Variants in NXF1 observed in about 807,000 individuals in gnomAD.
NXF1 encodes the protein mRNA export factor TAP.
NXF1 carries 43 observed loss-of-function variants against 92.4 expected under a neutral mutation model. The observed-to-expected ratio is 0.47, with a 90% confidence interval of 0.36 to 0.60. NXF1 has a LOEUF of 0.60. NXF1 is among the 20% of genes least tolerant of loss of function. NXF1 has a pLI of 0.00. For synonymous variants in NXF1, 288 were observed against 292.2 expected, an observed-to-expected ratio of 0.99 and a Z score of 0.15; for missense variants, 576 against 793.0, an observed-to-expected ratio of 0.73 and a Z score of 3.29.
At chr11:62,797,044 G>A (rs1334293419) in intron 13 of NXF1, 139 bp downstream of exon 13, 1 of 743,748 alleles carries the variant, frequency 1.3e-6, no homozygotes, top group Admixed American at 2.6e-5. Context: ...CTCCAGCCTG[G>A]GTGACACAGT....
intron 10 of NXF1, chr11:62,799,153 C>G: frequency 1.0e-5 from 10 of 983,708 alleles, no homozygotes; most frequent in Non-Finnish European, 1.2e-5. Flanking sequence ...AGGAGACAGA[C>G]AGAAAAAGGA....
At chr11:62,797,489 C>T in intron 11 of NXF1, 103 bp from the exon 12 acceptor site, 2 of 1,007,830 alleles carry the variant, frequency 2.0e-6, no homozygotes, top group Non-Finnish European at 3.0e-6. Flanking sequence ...GGCTTGAGCT[C>T]AGGAGTTTGA....
rs540391457 is a variant in NXF1, at chr11:62,802,005, G to A, written c.495C>T (p.Asp165=). 20 of 1,614,216 alleles carry A rather than the reference G, an allele frequency of 1.2e-5. No homozygotes were observed. The highest frequency in any genetic ancestry group is 8.9e-5 in the East Asian group (4 of 44,888). ...CCTTCAATGCAGAGGCAGTACTGGC[G>A]TCTTCAACGAAGAACTGGGCCCGTG... The part of the protein sequence containing the change: ...ENTRAQFFVE[D]ASTASALKAV... The change falls in exon 5 of 21, where the codon GAC becomes GAT. Residue 165 remains aspartate, a synonymous_variant. Transcript: ENST00000294172.
intron 9 of NXF1, among the ~76,000 whole-genome samples, chr11:62,800,746 G>A (rs1466526589): frequency 6.6e-6 from 1 of 151,906 alleles, no homozygotes; most frequent in African/African-American, 2.4e-5. Flanking sequence ...AGGACTACAG[G>A]CATGTGACAT....
rs766538202 is a variant in NXF1, at chr11:62,803,938, C to T, written c.69G>A (p.Lys23=). ...TCCACCGGAAGGGACCCCGGCCTTT[C>T]TTCTTTCTTTGAGGGAAATTAACGC... ...DERVNFPQRK[K]KGRGPFRWKY... Residue 23 remains lysine (K), a synonymous_variant, in exon 2 of 21, where the codon AAG becomes AAA. Transcript: ENST00000294172. The T allele has an allele frequency of 2.7e-5, 43 of 1,613,898 alleles. No homozygotes were observed. The highest frequency in any genetic ancestry group is 1.6e-4 in the Middle Eastern group (1 of 6,084).
intron 13 of NXF1, 22 bp downstream of exon 13, chr11:62,797,160 AG>A: frequency 1.9e-6 from 3 of 1,610,432 alleles, no homozygotes; most frequent in Non-Finnish European, 2.5e-6. Flanking sequence ...CGGGGTGGGG[AG>A]GGGGGACCCT....
At chr11:62,798,211 T>TGAG (rs1462588690) in intron 11 of NXF1, among the ~76,000 whole-genome samples, 1 of 151,276 alleles carries the variant, frequency 6.6e-6, no homozygotes, top group Non-Finnish European at 1.5e-5. Flanking sequence ...GTGGATCACC[T>TGAG]GAGGTCAGGA....
chr11:62,798,705 C>A, intron 10 of NXF1, 130 bp from the exon 11 acceptor site: 1 of 1,496,046 alleles, frequency 6.7e-7, no homozygotes, highest in Non-Finnish European at 8.9e-7. Flanking sequence ...TCCCTCCCAG[C>A]CTGTGCTCAG....
rs371908085 is a variant in NXF1, at chr11:62,797,251, A to G, written c.1123-13T>C. On this transcript the variant is annotated splice_polypyrimidine_tract_variant and intron_variant, in intron 12 of 20. Coordinates refer to ENST00000294172, the MANE Select transcript of NXF1 (RefSeq NM_006362.5). Reference sequence around the variant, plus strand: ...CAAAATAGCTTCCCTGAAATCAAACAGGTATTAGGAACATGGAAGCAGTAT... The same window carrying G: ...CAAAATAGCTTCCCTGAAATCAAACGGGTATTAGGAACATGGAAGCAGTAT... 6.2e-7 allele frequency: 1 copy of G among 1,613,974 alleles called. No homozygotes were observed. Among genetic ancestry groups the G allele is most frequent in the African/African-American group, 1.3e-5 (1 of 74,902 alleles).
chr11:62,801,074 G>T lies in NXF1; in HGVS notation c.906+20C>A. The T allele has an allele frequency of 3.2e-6, 5 of 1,566,184 alleles. No individual in the cohort carries two copies. The highest frequency in any genetic ancestry group is 1.4e-5 in the African/African-American group (1 of 74,058). On this transcript the variant is annotated intron_variant, in intron 9 of 20. Transcript: ENST00000294172. ...CTCTACCCACCCCTTCAAAAATATA[G>T]CCGAGCTATCAATTCTCACTTCATT...
intron 9 of NXF1, among the ~76,000 whole-genome samples, chr11:62,800,893 C>G (rs991954745): frequency 1.3e-5 from 2 of 152,204 alleles, no homozygotes; most frequent in African/African-American, 4.8e-5. Context: ...CCTCAGCCCC[C>G]TGGGGCAGCT....
chr11:62,798,490 G>GT, intron 11 of NXF1, 49 bp downstream of exon 11: 1 of 1,599,212 alleles, frequency 6.3e-7, no homozygotes, highest in Non-Finnish European at 8.5e-7. Flanking sequence ...AGGAATCCTT[G>GT]TGAGTGAGAG....
Position 62,805,144 on chromosome 11 carries a change from G to A in NXF1, c.28+185C>T, listed in dbSNP as rs569611190. 3.8e-5 allele frequency: 17 copies of A among 444,918 alleles called. No individual in the cohort carries two copies. The East Asian group carries it at 4.7e-4, about 12-fold the overall frequency. 27.6% of individuals were successfully genotyped at this position (444,918 alleles called of 1,614,324 possible). ...CCGAGCCGCAGGTCCCCCAACACCA[G>A]GATGCCAGCAGGAATCCAGGAGTCA... On this transcript the variant is annotated intron_variant, in intron 1 of 20. Coordinates refer to ENST00000294172, the MANE Select transcript of NXF1 (RefSeq NM_006362.5).
In NXF1 at chr11:62,803,523, G is replaced by A; in HGVS notation, c.265C>T (p.Arg89Ter). Reference sequence around the variant, plus strand: ...CGCACAGTAACATGAATGCGATCTCGATCATGCCAAGTATCACCCCGACGG... The same window carrying A: ...CGCACAGTAACATGAATGCGATCTCAATCATGCCAAGTATCACCCCGACGG... ...PNRRGDTWHDRDRIHVTVRRD... is the reference protein window; with the variant it reads ...PNRRGDTWHD The change falls in exon 3 of 21, where the codon CGA becomes TGA. Residue 89 changes from arginine to a stop codon, truncating the protein, a stop_gained. Coordinates refer to ENST00000294172, the MANE Select transcript of NXF1 (RefSeq NM_006362.5). LOFTEE classifies it high-confidence loss of function. 6.2e-7 allele frequency: 1 copy of A among 1,614,000 alleles called. No individual in the cohort carries two copies. The highest frequency in any genetic ancestry group is 8.5e-7 in the Non-Finnish European group (1 of 1,180,002).
intron 5 of NXF1, 24 bp from the exon 6 acceptor site, chr11:62,801,843 C>T (rs1219375868): frequency 1.2e-6 from 2 of 1,609,406 alleles, no homozygotes; most frequent in Non-Finnish European, 1.7e-6. Flanking sequence ...ACAGAGGGCA[C>T]AGAAAACTCT....
Position 62,803,791 on chromosome 11 carries a change from C to T in NXF1, c.215+1G>A. 6.2e-7 allele frequency: 1 copy of T among 1,613,352 alleles called. No individual in the cohort carries two copies. The highest frequency in any genetic ancestry group is 8.5e-7 in the Non-Finnish European group (1 of 1,179,598). On this transcript the variant is annotated splice_donor_variant, in intron 2 of 20. Coordinates refer to ENST00000294172, the MANE Select transcript of NXF1 (RefSeq NM_006362.5). LOFTEE classifies it high-confidence loss of function. ...TCAAACCAGACCAACTGGTCACTCA[C>T]TATCGTACTCGGGGACCATCCTGGG...
chr11:62,793,082 CTTTTTTTTTT>C lies in NXF1; in HGVS notation c.1761-391_1761-382del, dbSNP rs5792271. ...TATCAGGTTTGTGTTTTTCTGTTTG[CTTTTTTTTTT>C]TTTTTGAGACCGAGTCTTGCTCTGT... On this transcript the variant is annotated intron_variant, in intron 19 of 20. Coordinates refer to ENST00000294172, the MANE Select transcript of NXF1 (RefSeq NM_006362.5). Among the ~76,000 whole-genome samples, 345 of 140,450 alleles carry C rather than the reference CTTTTTTTTTT, an allele frequency of 2.5e-3. 4 individuals carry two copies. The highest frequency in any genetic ancestry group is 8.4e-3 in the African/African-American group (327 of 38,936). The allele number at this position is 140,450 out of a possible 152,430, so 92.1% of individuals were successfully genotyped here.
intron 13 of NXF1, 138 bp from the exon 14 acceptor site, chr11:62,796,705 G>C (rs1158360716): frequency 3.1e-6 from 2 of 640,390 alleles, no homozygotes; most frequent in Non-Finnish European, 5.5e-6. Flanking sequence ...GCTGAGATGG[G>C]TGAATAGCTT....
chr11:62,798,701 C>T (rs1198094103), intron 10 of NXF1, 126 bp from the exon 11 acceptor site: 3 of 1,502,768 alleles, frequency 2.0e-6, no homozygotes, highest in Non-Finnish European at 2.7e-6. Flanking sequence ...CCACTCCCTC[C>T]CAGCCTGTGC....
Sources: gnomAD v4.1 joint callset for allele counts (sites outside exome capture counted in the v4.1 genomes callset) on GRCh38, gnomAD v4.1.1 for gene constraint, MANE v1.5 for transcripts, NCBI Gene and HGNC (gene_info 2026-07-23, HGNC 2026-07-21) for gene names.